Variants in TMEM132D observed in about 807,000 individuals in gnomAD.
TMEM132D encodes mature OL transmembrane protein.
TMEM132D carries 21 observed loss-of-function variants against 62.3 expected under a neutral mutation model. That is an observed-to-expected ratio of 0.34 (90% CI 0.24 to 0.49). TMEM132D has a LOEUF of 0.49. Ranked by LOEUF, TMEM132D falls within the 20% of genes least tolerant of loss-of-function variation. The pLI is 0.99. For synonymous variants in TMEM132D, 621 were observed against 575.6 expected (o/e 1.08, Z -1.13); for missense variants, 1,346 against 1,402.8 (o/e 0.96, Z 0.65).
In TMEM132D at chr12:129,520,674, T is replaced by C. The variant is rs996565883; in HGVS notation, c.1115+10385A>G. The stretch of plus-strand genomic sequence containing the variant: ...TACCTTAAGCCCTCCAACTTTTTAA[T>C]GATTTCAGGTAAAAGAATGATCAAG... On this transcript the variant is annotated intron_variant, in intron 3 of 8. Transcript: ENST00000422113. Among the ~76,000 whole-genome samples, 9 of 152,206 alleles carry C rather than the reference T, an allele frequency of 5.9e-5. No homozygotes were observed. In the South Asian group the frequency reaches 8.3e-4, roughly 14 times the overall value.
intron 2 of TMEM132D, among the ~76,000 whole-genome samples, chr12:129,565,290 A>T (rs1321958706): frequency 6.6e-6 from 1 of 152,240 alleles, no homozygotes; most frequent in Non-Finnish European, 1.5e-5. Context: ...ACACAGAAGC[A>T]GGAAACTAGA....
chr12:129,225,197 C>T (rs1390461091), intron 4 of TMEM132D, among the ~76,000 whole-genome samples: 1 of 152,176 alleles, frequency 6.6e-6, no homozygotes, highest in Non-Finnish European at 1.5e-5. Flanking sequence ...GGATTTCATA[C>T]ATGAAAGGTG....
At chr12:129,319,385 G>A (rs61943935) in intron 4 of TMEM132D, among the ~76,000 whole-genome samples, 24,036 of 152,166 alleles carry the variant, frequency 0.16, 2,623 homozygotes, top group Non-Finnish European at 0.23. Flanking sequence ...TCTCCAGTGG[G>A]GGTGTGTGTT....
At chr12:129,646,955 C>T (rs533962572) in intron 2 of TMEM132D, among the ~76,000 whole-genome samples, 50 of 151,906 alleles carry the variant, frequency 3.3e-4, no homozygotes, top group African/African-American at 1.1e-3. Flanking sequence ...GTCGCCACCA[C>T]GCTTGGCTAA....
chr12:129,080,825 T>C (rs1051090237), intron 7 of TMEM132D, among the ~76,000 whole-genome samples: 1 of 152,158 alleles, frequency 6.6e-6, no homozygotes, highest in African/African-American at 2.4e-5. Context: ...GGGAGGTAAA[T>C]GACCAAACCC....
intron 1 of TMEM132D, among the ~76,000 whole-genome samples, chr12:129,854,169 T>C (rs1282038788): frequency 1.3e-5 from 2 of 151,998 alleles, no homozygotes; most frequent in African/African-American, 4.8e-5. Flanking sequence ...AAGTGGGAGG[T>C]GGTTAAGGCT....
intron 3 of TMEM132D, among the ~76,000 whole-genome samples, chr12:129,422,539 T>C (rs1238844845): frequency 6.6e-6 from 1 of 152,142 alleles, no homozygotes; most frequent in Non-Finnish European, 1.5e-5. Context: ...TAGATTAACA[T>C]CTAGGTCTGA....
At chr12:129,878,061 T>A (rs1330914577) in intron 1 of TMEM132D, among the ~76,000 whole-genome samples, 1 of 152,176 alleles carries the variant, frequency 6.6e-6, no homozygotes, top group Non-Finnish European at 1.5e-5. Context: ...TAATACATGA[T>A]CTCACTGTTT....
At chr12:129,220,217 T>C (rs1001330117) in intron 4 of TMEM132D, among the ~76,000 whole-genome samples, 1 of 151,558 alleles carries the variant, frequency 6.6e-6, no homozygotes, top group Non-Finnish European at 1.5e-5. Flanking sequence ...AACCAGAGAG[T>C]GGGCCACCAA....
intron 3 of TMEM132D, among the ~76,000 whole-genome samples, chr12:129,490,025 C>T (rs182797218): frequency 7.9e-4 from 121 of 152,266 alleles, no homozygotes; most frequent in Non-Finnish European, 1.4e-3. Context: ...AGGGTGAGGG[C>T]GCTCTTTATT....
At chr12:129,182,177 CA>C (rs1878087250) in intron 5 of TMEM132D, among the ~76,000 whole-genome samples, 1 of 152,100 alleles carries the variant, frequency 6.6e-6, no homozygotes, top group African/African-American at 2.4e-5. Flanking sequence ...GCCTGACCAA[CA>C]TGGTGAAACT....
chr12:129,594,278 G>A (rs534980618), intron 2 of TMEM132D, among the ~76,000 whole-genome samples: 26 of 152,248 alleles, frequency 1.7e-4, no homozygotes, highest in African/African-American at 5.3e-4. Flanking sequence ...TCGCTTCCAC[G>A]TGATTTGTAC....
chr12:129,859,046 G>A (rs1003460102), intron 1 of TMEM132D, among the ~76,000 whole-genome samples: 1 of 149,868 alleles, frequency 6.7e-6, no homozygotes, highest in Non-Finnish European at 1.5e-5. Context: ...AACGGGATGG[G>A]TGCCCTTGTA....
At chr12:129,374,553 T>C (rs1870726543) in intron 3 of TMEM132D, among the ~76,000 whole-genome samples, 1 of 151,884 alleles carries the variant, frequency 6.6e-6, no homozygotes, top group Non-Finnish European at 1.5e-5. Flanking sequence ...AGGCTGGAGC[T>C]GAAGGGAGCA....
chr12:129,792,357 T>C (rs1468048671), intron 1 of TMEM132D, among the ~76,000 whole-genome samples: 2 of 152,178 alleles, frequency 1.3e-5, no homozygotes, highest in African/African-American at 4.8e-5. Context: ...CTCTCTCCCC[T>C]GTAAAACGGG....
chr12:129,225,155 GA>G (rs1356564441), intron 4 of TMEM132D, among the ~76,000 whole-genome samples: 1 of 152,184 alleles, frequency 6.6e-6, no homozygotes, highest in Non-Finnish European at 1.5e-5. Context: ...ATCGGGACTG[GA>G]AAAGTTTCCA....
At chr12:129,186,470 A>G (rs1163627556) in intron 5 of TMEM132D, among the ~76,000 whole-genome samples, 3 of 152,018 alleles carry the variant, frequency 2.0e-5, no homozygotes, top group African/African-American at 4.8e-5. Context: ...GCACCTCCCC[A>G]CTTGACCCTC....
intron 3 of TMEM132D, among the ~76,000 whole-genome samples, chr12:129,523,405 A>C (rs984415866): frequency 1.3e-5 from 2 of 152,202 alleles, no homozygotes; most frequent in Non-Finnish European, 2.9e-5. Flanking sequence ...AACACCAGCA[A>C]ATGGCATAAT....
At chr12:129,684,644 G>T (rs572359179) in intron 2 of TMEM132D, among the ~76,000 whole-genome samples, 9 of 152,196 alleles carry the variant, frequency 5.9e-5, no homozygotes, top group African/African-American at 2.2e-4. Flanking sequence ...GGGCTCAGAA[G>T]AAGAACAGGA....
Sources: gnomAD v4.1 joint callset for allele counts (sites outside exome capture counted in the v4.1 genomes callset) on GRCh38, gnomAD v4.1.1 for gene constraint, MANE v1.5 for transcripts, NCBI Gene and HGNC (gene_info 2026-07-23, HGNC 2026-07-21) for gene names.